MYH9: variants seen among roughly 807,000 people sequenced by gnomAD.
MYH9 encodes the protein myosin-9.
Under a neutral mutation model 241.9 loss-of-function variants are expected in MYH9, and 29 were observed. The ratio of observed to expected loss-of-function variants is 0.12; its 90% CI spans 0.09 to 0.16. The LOEUF (loss-of-function observed/expected upper bound fraction) is 0.16, where lower values mean the gene tolerates loss of function less well. Ranked by LOEUF, MYH9 falls within the 10% of genes least tolerant of loss-of-function variation. The pLI, the probability that MYH9 is intolerant of heterozygous loss-of-function variation, is 1.00. For synonymous variants in MYH9, 1,047 were observed against 1,062.6 expected (o/e 0.99, Z 0.29); for missense variants, 1,803 against 2,595.5 (o/e 0.69, Z 6.63).
At position 36,282,583 on chromosome 22, in the gene MYH9, G is replaced by T; in HGVS notation, c.*85C>A. ...GCATGTTCACAGCAGTCCCAAGAAG[G>T]TGGGGAGAGGCGTGCTGCGGGGTCT... On this transcript the variant is annotated 3_prime_UTR_variant, in exon 41 of 41. Coordinates refer to ENST00000216181, the MANE Select transcript of MYH9 (RefSeq NM_002473.6). 1 of 1,226,850 alleles carries T rather than the reference G, an allele frequency of 8.2e-7. No individual in the cohort carries two copies. The highest frequency in any genetic ancestry group is 1.2e-6 in the Non-Finnish European group (1 of 834,134). 76.0% of individuals were successfully genotyped at this position (1,226,850 alleles called of 1,614,324 possible). A position where few individuals can be genotyped will look rare whatever the true frequency, so the allele number is the denominator to read the frequency against.
intron 3 of MYH9, among the ~76,000 whole-genome samples, chr22:36,331,713 C>G (rs1453921823): frequency 4.6e-5 from 7 of 152,234 alleles, no homozygotes; most frequent in Admixed American, 2.0e-4. Flanking sequence ...TGACTCATCA[C>G]CCAGCTCCCA....
At position 36,306,552 on chromosome 22, in the gene MYH9, G is replaced by A. The variant is rs749696998; in HGVS notation, c.1899C>T (p.Pro633=). 225 of 1,613,790 alleles carry A rather than the reference G, an allele frequency of 1.4e-4. No individual in the cohort carries two copies. The highest frequency in any genetic ancestry group is 5.1e-4 in the East Asian group (23 of 44,892). The part of the protein sequence containing the change: ...QVAGMSETAL[P]GAFKTRKGMF... ...TGCCCTTCCGCGTCTTGAAGGCCCCGGGCAGTGCGGTCTCCGACATGCCGG... is the reference window on the plus strand; with the variant it reads ...TGCCCTTCCGCGTCTTGAAGGCCCCAGGCAGTGCGGTCTCCGACATGCCGG... Residue 633 remains proline, a synonymous_variant, in exon 16 of 41, where the codon CCC becomes CCT. Transcript: ENST00000216181. The surrounding 1 kb of genome is among the most constrained non-coding windows in gnomAD (Gnocchi z 4.1).
chr22:36,375,678 T>G (rs1242330862), intron 1 of MYH9, among the ~76,000 whole-genome samples: 1 of 152,168 alleles, frequency 6.6e-6, no homozygotes, highest in Non-Finnish European at 1.5e-5. Flanking sequence ...AGTTCCTACC[T>G]TATGGAAACC....
intron 19 of MYH9, among the ~76,000 whole-genome samples, 160 bp downstream of exon 19, chr22:36,303,835 T>C (rs1377906870): frequency 6.8e-6 from 1 of 146,314 alleles, no homozygotes; most frequent in African/African-American, 2.5e-5. Flanking sequence ...ATTCTACTCC[T>C]CAAAGGTAGA....
chr22:36,319,830 C>T (rs1258307728), intron 9 of MYH9, 195 bp from the exon 10 acceptor site: 2 of 673,224 alleles, frequency 3.0e-6, no homozygotes. Context: ...GGGCTCACCC[C>T]CTCCTGGCCG....
In MYH9 at chr22:36,320,778, G is replaced by T; in HGVS notation, c.868+20C>A. 6.3e-7 allele frequency: 1 copy of T among 1,598,088 alleles called. No individual in the cohort carries two copies. Among genetic ancestry groups the T allele is most frequent in the Non-Finnish European group, 8.6e-7 (1 of 1,165,782 alleles). ...CAGAGCCCGGCAGCCCCGGTGTCAG[G>T]CTGCAGGCCAACTACTCACTCTTCA... On this transcript the variant is annotated intron_variant, in intron 8 of 40. Transcript: ENST00000216181. This position sits in a 1 kb window ranked among gnomAD's most constrained non-coding sequence, Gnocchi z 4.8.
At chr22:36,289,356 G>C in intron 31 of MYH9, 59 bp from the exon 32 acceptor site, 1 of 1,512,872 alleles carries the variant, frequency 6.6e-7, no homozygotes, top group Non-Finnish European at 9.0e-7. Context: ...GGGCAGGGCA[G>C]CTGGGCCTAA....
chr22:36,313,279 G>A (rs186885882), intron 13 of MYH9, among the ~76,000 whole-genome samples: 8 of 151,026 alleles, frequency 5.3e-5, no homozygotes, highest in South Asian at 2.1e-4. Flanking sequence ...GTGAAACTCC[G>A]CCTCCACTAA....
At chr22:36,327,362 G>C in intron 4 of MYH9, 99 bp downstream of exon 4, 2 of 1,410,180 alleles carry the variant, frequency 1.4e-6, no homozygotes, top group Non-Finnish European at 2.0e-6. Context: ...TTGGGAATGG[G>C]GGACTCTGCA....
At chr22:36,301,138 G>A (rs773767258) in intron 21 of MYH9, 81 bp from the exon 22 acceptor site, 142 of 1,380,724 alleles carry the variant, frequency 1.0e-4, no homozygotes, top group South Asian at 2.4e-4. Context: ...GCCATGGCTC[G>A]GGATCCCAGA....
rs1444597349 is a variant in MYH9, at chr22:36,335,420, C to T, written c.490+5950G>A. ...GTGTGCTGACGGCTGGCAGGGCTGG[C>T]GGCCTCCCGGCTGGGTGCATTCCTG... On this transcript the variant is annotated intron_variant, in intron 3 of 40. Transcript: ENST00000216181. Among the ~76,000 whole-genome samples the T allele has an allele frequency of 2.6e-5, 4 of 152,334 alleles. No homozygotes were observed. The East Asian group carries it at 7.7e-4, about 29-fold the overall frequency.
intron 7 of MYH9, among the ~76,000 whole-genome samples, 185 bp downstream of exon 7, chr22:36,321,572 GA>G (rs889436617): frequency 6.6e-6 from 1 of 152,152 alleles, no homozygotes; most frequent in Non-Finnish European, 1.5e-5. Flanking sequence ...TGTAAATAAG[GA>G]AAGCCCTAAG....
chr22:36,376,763 G>T (rs2018173626), intron 1 of MYH9, among the ~76,000 whole-genome samples: 1 of 152,182 alleles, frequency 6.6e-6, no homozygotes, highest in Non-Finnish European at 1.5e-5. Context: ...CCTGTCGCAG[G>T]CTTAGAACTG....
chr22:36,316,506 G>A lies in MYH9; in HGVS notation c.1380+11C>T. The A allele has an allele frequency of 6.2e-7, 1 of 1,614,078 alleles. No individual in the cohort carries two copies. The highest frequency in any genetic ancestry group is 1.1e-5 in the South Asian group (1 of 91,080). On this transcript the variant is annotated intron_variant, in intron 12 of 40. Coordinates refer to ENST00000216181, the MANE Select transcript of MYH9 (RefSeq NM_002473.6). ...GAGGCAGCAGGGTGGGTAATGAAGGGCAAGGCTCACATCAAAGATCTCGAA... is the reference window on the plus strand; with the variant it reads ...GAGGCAGCAGGGTGGGTAATGAAGGACAAGGCTCACATCAAAGATCTCGAA...
chr22:36,337,273 A>G (rs942199275), intron 3 of MYH9, among the ~76,000 whole-genome samples: 4 of 152,214 alleles, frequency 2.6e-5, no homozygotes, highest in Admixed American at 2.6e-4. Context: ...TAAAAATCCT[A>G]CAGTGCTCAG....
At chr22:36,376,926 G>C (rs1056060002) in intron 1 of MYH9, among the ~76,000 whole-genome samples, 1 of 152,126 alleles carries the variant, frequency 6.6e-6, no homozygotes, top group Non-Finnish European at 1.5e-5. Context: ...AGCTGGGTGT[G>C]GTGGTGCACA....
chr22:36,371,296 G>A (rs1352384624), intron 1 of MYH9, among the ~76,000 whole-genome samples: 2 of 152,150 alleles, frequency 1.3e-5, no homozygotes. Context: ...TAATCCCATG[G>A]CTGGTGTCCT....
intron 1 of MYH9, among the ~76,000 whole-genome samples, chr22:36,357,519 T>C (rs1400357523): frequency 1.3e-5 from 2 of 152,110 alleles, no homozygotes; most frequent in African/African-American, 4.8e-5. Flanking sequence ...TGTCCCCAGT[T>C]GTGACAACCA....
chr22:36,320,650 T>C lies in MYH9; in HGVS notation c.868+148A>G. On this transcript the variant is annotated intron_variant, in intron 8 of 40. Transcript: ENST00000216181. The surrounding 1 kb of genome is among the most constrained non-coding windows in gnomAD (Gnocchi z 4.8). ...GAAACAGAAGACCAAGTCCTTAGGA[T>C]GGCGCAGAGAACAGGAGTCACTCTC... is the stretch of plus-strand genomic sequence containing the variant. The C allele has an allele frequency of 2.7e-6, 2 of 750,302 alleles. No individual in the cohort carries two copies. Among genetic ancestry groups the C allele is most frequent in the Non-Finnish European group, 4.5e-6 (2 of 441,412 alleles). 46.5% of individuals were successfully genotyped at this position (750,302 alleles called of 1,614,324 possible). A position where few individuals can be genotyped will look rare whatever the true frequency, so the allele number is the denominator to read the frequency against.
Sources: allele counts gnomAD v4.1 joint callset (sites outside exome capture counted in the v4.1 genomes callset), GRCh38; gene constraint gnomAD v4.1.1; non-coding constraint Gnocchi (gnomAD v3.1); transcripts MANE v1.5; gene names NCBI Gene and HGNC (gene_info 2026-07-23, HGNC 2026-07-21).